Variants in DNAI7 observed in about 807,000 individuals in gnomAD.
DNAI7 encodes dynein axonemal intermediate chain 7.
Under a neutral mutation model 86.6 loss-of-function variants are expected in DNAI7, and 78 were observed. The ratio of observed to expected loss-of-function variants is 0.90; its 90% CI spans 0.75 to 1.09. The LOEUF is 1.09. DNAI7 is among the 50% of genes least tolerant of loss of function. DNAI7 has a pLI of 0.00. For missense variants in DNAI7, 753 were observed against 810.2 expected (o/e 0.93, Z 0.86); for synonymous variants, 274 against 273.0 (o/e 1.00, Z -0.04).
At chr12:25,155,939 G>C (rs556528582) in intron 4 of DNAI7, among the ~76,000 whole-genome samples, 1 of 152,002 alleles carries the variant, frequency 6.6e-6, no homozygotes, top group Non-Finnish European at 1.5e-5. Context: ...ACACCATCTC[G>C]ACCAAAAATA....
At chr12:25,116,514 T>G (rs575493281) in intron 12 of DNAI7, among the ~76,000 whole-genome samples, 5 of 73,396 alleles carry the variant, frequency 6.8e-5, no homozygotes, top group African/African-American at 1.1e-4. Flanking sequence ...TGAATAATTT[T>G]TTTTTTCAGA....
chr12:25,193,886 A>G (rs1950771441), intron 1 of DNAI7, among the ~76,000 whole-genome samples: 1 of 151,118 alleles, frequency 6.6e-6, no homozygotes, highest in South Asian at 2.1e-4. Flanking sequence ...CAGTGGCACA[A>G]TCTCGGCTCA....
chr12:25,188,735 T>C (rs962223525), intron 2 of DNAI7, among the ~76,000 whole-genome samples: 6 of 150,746 alleles, frequency 4.0e-5, no homozygotes, highest in African/African-American at 1.5e-4. Flanking sequence ...TCAAATTTCA[T>C]AGGAAGAATC....
chr12:25,119,040 A>C, intron 12 of DNAI7, 105 bp downstream of exon 12: 1 of 876,796 alleles, frequency 1.1e-6, no homozygotes, highest in Non-Finnish European at 1.7e-6. Flanking sequence ...ATTGGCATAG[A>C]AATATGTAAG....
chr12:25,119,218 T>TTG lies in DNAI7; in HGVS notation c.1322_1323insCA (p.Glu442LysfsTer11), dbSNP rs1273843659. On this transcript the variant is annotated frameshift_variant, in exon 12 of 16. Coordinates refer to ENST00000395987, the MANE Select transcript of DNAI7 (RefSeq NM_018272.5). LOFTEE classifies it high-confidence loss of function. ...TCTCATGAACCTCAAGTGTGACCTC[T>TTG]ATAGGTGGGAAAGCATTTTCTGTCT... 3 of 1,613,062 alleles carry TTG rather than the reference T, an allele frequency of 1.9e-6. No individual in the cohort carries two copies. Among genetic ancestry groups the TTG allele is most frequent in the Non-Finnish European group, 2.5e-6 (3 of 1,179,274 alleles).
At chr12:25,194,111 C>T (rs763683317) in intron 1 of DNAI7, among the ~76,000 whole-genome samples, 1 of 151,740 alleles carries the variant, frequency 6.6e-6, no homozygotes, top group Non-Finnish European at 1.5e-5. Context: ...TGAGCCACCG[C>T]GCCAGGCCTC....
chr12:25,152,658 T>C (rs1267816750), intron 6 of DNAI7, among the ~76,000 whole-genome samples: 1 of 152,202 alleles, frequency 6.6e-6, no homozygotes, highest in Non-Finnish European at 1.5e-5. Context: ...TTGTGGCTGA[T>C]TTATAACAGG....
rs1939700506 is a variant in DNAI7 at position 25,114,689 on chromosome 12, A to G, written c.1578T>C (p.Thr526=). The G allele has an allele frequency of 6.2e-7, 1 of 1,611,474 alleles. No homozygotes were observed. ...GTATTTGAATCTCAGTAAATACTGT[A>G]GTCACAGTTAAAAGTACTTTATTTA... The part of the protein sequence containing the change: ...LDVNKVLLTV[T]TVFTEIQIQI... Residue 526 remains threonine, a synonymous_variant, in exon 13 of 16, where the codon ACT becomes ACC. Transcript: ENST00000395987.
chr12:25,194,905 A>T, intron 1 of DNAI7, 171 bp downstream of exon 1: 1 of 1,614,172 alleles, frequency 6.2e-7, no homozygotes, highest in East Asian at 2.2e-5. Flanking sequence ...TGGTCCAGGT[A>T]AGGAAAGCCA....
intron 9 of DNAI7, among the ~76,000 whole-genome samples, chr12:25,140,943 A>G (rs771555295): frequency 1.6e-4 from 24 of 152,212 alleles, no homozygotes; most frequent in Admixed American, 1.1e-3. Context: ...CAAAGCAAAC[A>G]AAAACATAAA....
At chr12:25,133,741 G>A (rs1943214501) in intron 9 of DNAI7, among the ~76,000 whole-genome samples, 1 of 152,152 alleles carries the variant, frequency 6.6e-6, no homozygotes, top group South Asian at 2.1e-4. Context: ...TTGGGTGGTG[G>A]TGAGATATGT....
chr12:25,173,092 GAT>G (rs2141168513), intron 2 of DNAI7, among the ~76,000 whole-genome samples: 1 of 152,132 alleles, frequency 6.6e-6, no homozygotes, highest in African/African-American at 2.4e-5. Context: ...TAAAAACAAA[GAT>G]AAATAGCTGG....
intron 11 of DNAI7, among the ~76,000 whole-genome samples, chr12:25,120,413 C>T (rs538170076): frequency 6.6e-6 from 1 of 151,040 alleles, no homozygotes; most frequent in East Asian, 2.0e-4. Flanking sequence ...CAAGCCACCA[C>T]GAGGTTAAGT....
intron 11 of DNAI7, among the ~76,000 whole-genome samples, chr12:25,119,748 C>A (rs1301908535): frequency 3.3e-5 from 5 of 152,082 alleles, no homozygotes; most frequent in Admixed American, 3.3e-4. Context: ...TATAGACAAC[C>A]TATTGAGAAG....
intron 2 of DNAI7, among the ~76,000 whole-genome samples, chr12:25,173,965 T>C (rs12367712): frequency 2.3e-4 from 33 of 143,566 alleles, no homozygotes; most frequent in Non-Finnish European, 3.6e-4. Flanking sequence ...ATATCATATA[T>C]ATGGAATACA....
intron 2 of DNAI7, among the ~76,000 whole-genome samples, chr12:25,164,038 C>T (rs1947141047): frequency 6.6e-6 from 1 of 152,220 alleles, no homozygotes. Flanking sequence ...GGTGTCTGAC[C>T]ATGCAAGGAC....
At chr12:25,188,736 AG>A (rs1368659707) in intron 2 of DNAI7, among the ~76,000 whole-genome samples, 2 of 151,944 alleles carry the variant, frequency 1.3e-5, no homozygotes, top group African/African-American at 4.8e-5. Context: ...CAAATTTCAT[AG>A]GAAGAATCTC....
chr12:25,157,334 T>C (rs1230131903), intron 4 of DNAI7, among the ~76,000 whole-genome samples: 1 of 151,472 alleles, frequency 6.6e-6, no homozygotes, highest in African/African-American at 2.4e-5. Context: ...TATCCACAAT[T>C]ATCAGAAAGG....
intron 12 of DNAI7, among the ~76,000 whole-genome samples, chr12:25,117,541 GGAT>G (rs1189216317): frequency 1.3e-5 from 2 of 151,924 alleles, no homozygotes; most frequent in African/African-American, 4.8e-5. Flanking sequence ...CTCTCATCTA[GGAT>G]CCTTAAAATG....
Sources: allele counts gnomAD v4.1 joint callset (sites outside exome capture counted in the v4.1 genomes callset), GRCh38; gene constraint gnomAD v4.1.1; transcripts MANE v1.5; gene names NCBI Gene and HGNC (gene_info 2026-07-23, HGNC 2026-07-21).